The following TRAP1 variants were observed in gnomAD, a reference collection of about 807,000 sequenced individuals.
TRAP1 encodes TNF receptor associated protein 1.
TRAP1 carries 102 observed loss-of-function variants against 89.1 expected under a neutral mutation model. The ratio of observed to expected loss-of-function variants is 1.15; its 90% CI spans 0.98 to 1.35. The LOEUF (loss-of-function observed/expected upper bound fraction) is 1.35, where lower values mean the gene tolerates loss of function less well. TRAP1 is among the 40% of genes most tolerant of loss of function. The pLI is 0.00. For synonymous variants in TRAP1, 508 were observed against 388.0 expected, an observed-to-expected ratio of 1.31 and a Z score of -3.64; for missense variants, 1,256 against 945.3, an observed-to-expected ratio of 1.33 and a Z score of -4.31.
At chr16:3,689,027 C>T (rs746120121) in intron 3 of TRAP1, 28 bp downstream of exon 3, 3 of 1,578,616 alleles carry the variant, frequency 1.9e-6, no homozygotes, top group Non-Finnish European at 2.6e-6. Context: ...ACTTTGCTAG[C>T]ATCGGGCATG....
chr16:3,668,579 C>T (rs1020483100), intron 11 of TRAP1, among the ~76,000 whole-genome samples: 6 of 152,172 alleles, frequency 3.9e-5, no homozygotes, highest in Non-Finnish European at 8.8e-5. Flanking sequence ...ACTTTTAAGC[C>T]TGTGATTCTT....
intron 16 of TRAP1, 43 bp downstream of exon 16, chr16:3,661,944 T>G (rs746007043): frequency 1.3e-6 from 2 of 1,553,480 alleles, no homozygotes; most frequent in African/African-American, 2.7e-5. Flanking sequence ...CACAGGATTC[T>G]GGGGAATCCC....
Position 3,663,459 on chromosome 16 carries a change from T to C in TRAP1, c.1673A>G (p.His558Arg). 6.2e-7 allele frequency: 1 copy of C among 1,614,190 alleles called. No individual in the cohort carries two copies. Among genetic ancestry groups the C allele is most frequent in the East Asian group, 2.2e-5 (1 of 44,872 alleles). The change falls in exon 14 of 18, where the codon CAC becomes CGC. Residue 558 changes from histidine to arginine, a missense_variant. By Grantham distance (29) the His-to-Arg change is conservative (BLOSUM62 0). Coordinates refer to ENST00000246957, the MANE Select transcript of TRAP1 (RefSeq NM_016292.3). ...ISVETDIVVD[H>R]YKEEKFEDRS... ...GTCCTCAAACTTCTCCTCCTTGTAGTGATCCACGACTATGTCCGTCTCCAC... is the reference window on the plus strand; with the variant it reads ...GTCCTCAAACTTCTCCTCCTTGTAGCGATCCACGACTATGTCCGTCTCCAC...
intron 1 of TRAP1, among the ~76,000 whole-genome samples, chr16:3,699,354 C>T (rs1042768393): frequency 1.3e-5 from 2 of 152,168 alleles, no homozygotes; most frequent in African/African-American, 4.8e-5. Context: ...AAATTTTATA[C>T]TGGCCAGGCG....
rs60090855 is a variant in TRAP1, at chr16:3,707,857, C to CAA, written c.88+9562_88+9563dup. On this transcript the variant is annotated intron_variant, in intron 1 of 17. Transcript: ENST00000246957. The stretch of plus-strand genomic sequence containing the variant: ...CAACAGACAGAGCGAGACTCTAACT[C>CAA]AAAAAAAAAAAAAAAAAAGACAAAC... Among the ~76,000 whole-genome samples the CAA allele has an allele frequency of 7.2e-3, 743 of 102,622 alleles. 6 individuals carry two copies. Among genetic ancestry groups the CAA allele is most frequent in the Non-Finnish European group, 0.011 (538 of 51,062 alleles). 67.3% of individuals were successfully genotyped at this position (102,622 alleles called of 152,430 possible). A position where few individuals can be genotyped will look rare whatever the true frequency, so the allele number is the denominator to read the frequency against.
chr16:3,697,682 A>G (rs2051308323), intron 1 of TRAP1, among the ~76,000 whole-genome samples: 2 of 148,398 alleles, frequency 1.3e-5, no homozygotes, highest in Non-Finnish European at 3.0e-5. Context: ...AAAAAAAAGG[A>G]AATTAGTCTT....
intron 1 of TRAP1, among the ~76,000 whole-genome samples, chr16:3,709,103 C>T (rs1455930068): frequency 6.6e-6 from 1 of 151,590 alleles, no homozygotes; most frequent in Non-Finnish European, 1.5e-5. Flanking sequence ...GCGTGAGCCA[C>T]CGTGCCTGGC....
At chr16:3,676,630 C>T (rs55920933) in intron 6 of TRAP1, 4,696 of 153,308 alleles carry the variant, frequency 0.031, 92 homozygotes, top group Admixed American at 0.05. Context: ...AGCCCCGCTC[C>T]CATGGAATTA....
At chr16:3,705,993 C>CT (rs1027983602) in intron 1 of TRAP1, among the ~76,000 whole-genome samples, 3 of 149,098 alleles carry the variant, frequency 2.0e-5, no homozygotes, top group East Asian at 1.9e-4. Context: ...AGTCCCGGCC[C>CT]TTTTTTTCTT....
At position 3,680,430 on chromosome 16, in the gene TRAP1, T is replaced by G. The variant is rs185998766; in HGVS notation, c.472-640A>C. ...GTGGCCCCCACGCCTTCTCCCTGGC[T>G]GTGGTTCTGGGGAACAGTGATCCCC... On this transcript the variant is annotated intron_variant, in intron 4 of 17. Transcript: ENST00000246957. Among the ~76,000 whole-genome samples the G allele has an allele frequency of 3.7e-4, 57 of 152,358 alleles. No individual in the cohort carries two copies. In the East Asian group the frequency reaches 9.8e-3, roughly 26 times the overall value.
chr16:3,674,617 G>A, intron 8 of TRAP1, 123 bp from the exon 9 acceptor site: 5 of 1,239,420 alleles, frequency 4.0e-6, no homozygotes, highest in South Asian at 1.4e-5. Context: ...ACGGGCGGTG[G>A]TCTCAGGCGT....
chr16:3,706,327 T>C (rs975553486), intron 1 of TRAP1, among the ~76,000 whole-genome samples: 11 of 151,986 alleles, frequency 7.2e-5, no homozygotes, highest in African/African-American at 2.7e-4. Flanking sequence ...TGGAGTGCAG[T>C]GGCTGTTTAC....
At chr16:3,709,609 G>C (rs2051499438) in intron 1 of TRAP1, among the ~76,000 whole-genome samples, 1 of 152,092 alleles carries the variant, frequency 6.6e-6, no homozygotes, top group Admixed American at 6.6e-5. Context: ...AGGTACGGAA[G>C]ATTACACACG....
In TRAP1 at chr16:3,658,087, G is replaced by A; in HGVS notation, c.*42C>T. 1 of 1,610,402 alleles carries A rather than the reference G, an allele frequency of 6.2e-7. No homozygotes were observed. The highest frequency in any genetic ancestry group is 8.5e-7 in the Non-Finnish European group (1 of 1,177,014). Reference sequence around the variant, plus strand: ...TAGGTAAATAAAGCTCAAGGAGGTGGGGCTGTCATCTGTGGTGTCAGTCCT... The same window carrying A: ...TAGGTAAATAAAGCTCAAGGAGGTGAGGCTGTCATCTGTGGTGTCAGTCCT... On this transcript the variant is annotated 3_prime_UTR_variant, in exon 18 of 18. Coordinates refer to ENST00000246957, the MANE Select transcript of TRAP1 (RefSeq NM_016292.3).
chr16:3,702,650 C>T lies in TRAP1; in HGVS notation c.89-11665G>A, dbSNP rs180763030. 7.9e-5 allele frequency among the ~76,000 whole-genome samples: 12 copies of T among 151,574 alleles called. No individual in the cohort carries two copies. The East Asian group carries it at 1.2e-3, about 15-fold the overall frequency. ...TTCCAGCTACTTGGGGTACTTGAGG[C>T]GGAAGGATCACTTGAGACCAGAGGG... On this transcript the variant is annotated intron_variant, in intron 1 of 17. Coordinates refer to ENST00000246957, the MANE Select transcript of TRAP1 (RefSeq NM_016292.3).
At chr16:3,690,017 T>G (rs993452548) in intron 2 of TRAP1, among the ~76,000 whole-genome samples, 4 of 152,084 alleles carry the variant, frequency 2.6e-5, no homozygotes, top group Non-Finnish European at 4.4e-5. Flanking sequence ...GTTCTTTCTT[T>G]TTTTTTTAGA....
At position 3,658,129 on chromosome 16, in the gene TRAP1, T is replaced by C. The variant is rs140188034; in HGVS notation, c.2115A>G (p.Ter705TrpextTer8). Residue 705 changes from the stop codon to tryptophan (W), a stop_lost, in exon 18 of 18, where the codon TGA (stop) becomes TGG (tryptophan). Transcript: ENST00000246957. ...ELLVKALERH[*>W] The stretch of plus-strand genomic sequence containing the variant: ...GTCAGTCCTTCTGGCCCCCTGGCTG[T>C]CAGTGTCGCTCCAGGGCCTTGACAA... 1 of 1,613,778 alleles carries C rather than the reference T, an allele frequency of 6.2e-7. No individual in the cohort carries two copies. The highest frequency in any genetic ancestry group is 8.5e-7 in the Non-Finnish European group (1 of 1,179,850).
At chr16:3,675,565 G>T (rs1596714380) in intron 7 of TRAP1, among the ~76,000 whole-genome samples, 168 bp from the exon 8 acceptor site, 4 of 152,194 alleles carry the variant, frequency 2.6e-5, no homozygotes, top group Admixed American at 2.6e-4. Context: ...CCTCCCCCCA[G>T]TCTCACGGGG....
intron 4 of TRAP1, among the ~76,000 whole-genome samples, chr16:3,683,628 C>T (rs1043146513): frequency 6.6e-6 from 1 of 151,584 alleles, no homozygotes; most frequent in African/African-American, 2.4e-5. Flanking sequence ...TCAGGTGATC[C>T]GCCCACCTTG....
Sources: allele counts gnomAD v4.1 joint callset (sites outside exome capture counted in the v4.1 genomes callset), GRCh38; gene constraint gnomAD v4.1.1; transcripts MANE v1.5; gene names NCBI Gene and HGNC (gene_info 2026-07-23, HGNC 2026-07-21).